CCSER2: variants seen among roughly 807,000 people sequenced by gnomAD.
CCSER2 encodes serine-rich coiled-coil domain-containing protein 2.
Under a neutral mutation model 92.3 loss-of-function variants are expected in CCSER2, and 46 were observed. The ratio of observed to expected loss-of-function variants is 0.50; its 90% CI spans 0.39 to 0.64. CCSER2 has a LOEUF of 0.64. CCSER2 is among the 30% of genes least tolerant of loss of function. The probability of loss-of-function intolerance (pLI) is 0.00; values close to 1 mark genes in which losing one functional copy is unlikely to be tolerated. For missense variants in CCSER2, 1,244 were observed against 1,238.9 expected, an observed-to-expected ratio of 1.00 and a Z score of -0.06; for synonymous variants, 433 against 431.4, an observed-to-expected ratio of 1.00 and a Z score of -0.04.
At chr10:84,373,127 A>G (rs1044291006) in intron 2 of CCSER2, among the ~76,000 whole-genome samples, 1 of 152,144 alleles carries the variant, frequency 6.6e-6, no homozygotes, top group Non-Finnish European at 1.5e-5. Flanking sequence ...GACATGTGGT[A>G]TAATCAGGGG....
intron 1 of CCSER2, among the ~76,000 whole-genome samples, chr10:84,353,548 C>T (rs1274746132): frequency 6.6e-6 from 1 of 152,192 alleles, no homozygotes; most frequent in African/African-American, 2.4e-5. Flanking sequence ...GACCGAGTCC[C>T]TACTTCCTGC....
At position 84,514,111 on chromosome 10, in the gene CCSER2, C is replaced by G; in HGVS notation, c.2988C>G (p.Pro996=). Residue 996 remains proline, a synonymous_variant, in exon 10 of 10, where the codon CCC becomes CCG. Coordinates refer to ENST00000372088, the MANE Select transcript of CCSER2 (RefSeq NM_001284240.2). Reference sequence around the variant, plus strand: ...TCAAACAAAAACAAACAAACAGCCCCCAACTAGAGCCTCAAAGCTTCCAGG... The same window carrying G: ...TCAAACAAAAACAAACAAACAGCCCGCAACTAGAGCCTCAAAGCTTCCAGG... ...GSFKQKQTNS[P]QLEPQSFQAK... 6.5e-7 allele frequency: 1 copy of G among 1,536,190 alleles called. No individual in the cohort carries two copies. Among genetic ancestry groups the G allele is most frequent in the Non-Finnish European group, 8.7e-7 (1 of 1,146,924 alleles).
chr10:84,391,200 C>A, intron 3 of CCSER2: 1 of 972,688 alleles, frequency 1.0e-6, no homozygotes, highest in Non-Finnish European at 1.7e-6. Flanking sequence ...TTCTTCCATA[C>A]TGTGAACCTG....
In CCSER2 at chr10:84,401,574, A is replaced by G. The variant is rs138621883; in HGVS notation, c.1615-16197A>G. ...AAATTCCAAAAAAGATCTTGTCCAC[A>G]TGGTTTCACTGGCCAATTTTACCAA... is the stretch of plus-strand genomic sequence containing the variant. On this transcript the variant is annotated intron_variant, in intron 3 of 9. Transcript: ENST00000372088. Among the ~76,000 whole-genome samples the G allele has an allele frequency of 3.3e-5, 5 of 152,348 alleles. No individual in the cohort carries two copies. In the East Asian group the frequency reaches 9.6e-4, roughly 29 times the overall value.
chr10:84,335,409 A>G (rs1843780880), intron 1 of CCSER2, among the ~76,000 whole-genome samples: 2 of 151,036 alleles, frequency 1.3e-5, no homozygotes, highest in Admixed American at 6.6e-5. Context: ...TGCCTGGCTA[A>G]TTTTAAAAAT....
At chr10:84,507,137 A>G (rs1849100227) in intron 9 of CCSER2, among the ~76,000 whole-genome samples, 3 of 152,368 alleles carry the variant, frequency 2.0e-5, no homozygotes, top group South Asian at 2.1e-4. Flanking sequence ...AATATATTAA[A>G]TGAAATAATG....
intron 9 of CCSER2, among the ~76,000 whole-genome samples, chr10:84,491,568 C>T (rs374224734): frequency 7.2e-5 from 11 of 152,210 alleles, no homozygotes; most frequent in South Asian, 2.1e-4. Flanking sequence ...CCTGGTGTGC[C>T]GTTTGCTAAG....
chr10:84,463,554 G>A (rs745767438), intron 6 of CCSER2, among the ~76,000 whole-genome samples: 29 of 152,172 alleles, frequency 1.9e-4, no homozygotes, highest in South Asian at 8.3e-4. Flanking sequence ...TGGCTCCTTG[G>A]TACTCAAAAC....
intron 5 of CCSER2, among the ~76,000 whole-genome samples, chr10:84,427,481 T>C (rs181385832): frequency 4.8e-4 from 73 of 152,330 alleles, no homozygotes; most frequent in Non-Finnish European, 1.9e-4. Context: ...CAATATTGCA[T>C]GTGCAAAAGT....
At chr10:84,342,770 A>G (rs1307001277) in intron 1 of CCSER2, among the ~76,000 whole-genome samples, 3 of 152,102 alleles carry the variant, frequency 2.0e-5, no homozygotes, top group Non-Finnish European at 4.4e-5. Context: ...AACTGTATCT[A>G]TCTGTTGACA....
chr10:84,356,150 G>T (rs926373537), intron 1 of CCSER2, among the ~76,000 whole-genome samples: 1 of 151,074 alleles, frequency 6.6e-6, no homozygotes, highest in African/African-American at 2.4e-5. Flanking sequence ...GTGGAGGTTT[G>T]CAGTGGATTA....
In CCSER2 at chr10:84,517,215, TAGTAG is replaced by T. The variant is rs1315988912; in HGVS notation, c.*2953_*2957del. ...GTTTCACATTCGTGAAAGAGGAAAT[TAGTAG>T]AGTATTCAGACTTTGATATTTGGCT... On this transcript the variant is annotated 3_prime_UTR_variant, in exon 10 of 10. Transcript: ENST00000372088. The T allele has an allele frequency of 5.9e-5, 9 of 152,386 alleles. No individual in the cohort carries two copies. Among genetic ancestry groups the T allele is most frequent in the African/African-American group, 2.2e-4 (9 of 41,452 alleles). 9.4% of individuals were successfully genotyped at this position (152,386 alleles called of 1,614,324 possible).
At chr10:84,504,590 A>AT (rs1848947285) in intron 9 of CCSER2, among the ~76,000 whole-genome samples, 1 of 152,194 alleles carries the variant, frequency 6.6e-6, no homozygotes, top group Non-Finnish European at 1.5e-5. Context: ...ATACAGTTGG[A>AT]TAATCTTTCT....
intron 9 of CCSER2, chr10:84,499,762 C>A: frequency 1.1e-6 from 1 of 926,522 alleles, no homozygotes; most frequent in Non-Finnish European, 1.6e-6. Context: ...TCTGTCTTCT[C>A]GTTAACACTA....
intron 9 of CCSER2, among the ~76,000 whole-genome samples, chr10:84,505,758 T>TA (rs1238709785): frequency 6.6e-6 from 1 of 152,176 alleles, no homozygotes; most frequent in Non-Finnish European, 1.5e-5. Flanking sequence ...CATGGTCCAA[T>TA]AGGCCTTCCA....
intron 6 of CCSER2, among the ~76,000 whole-genome samples, chr10:84,460,564 A>T (rs1846049843): frequency 6.6e-6 from 1 of 151,122 alleles, no homozygotes. Context: ...ATTCTCTTAA[A>T]TTTTGGAACA....
chr10:84,472,452 T>A (rs1462734580), intron 8 of CCSER2, among the ~76,000 whole-genome samples: 2 of 152,152 alleles, frequency 1.3e-5, no homozygotes, highest in African/African-American at 4.8e-5. Flanking sequence ...ACGCCTGTAG[T>A]CCCCAGCTAC....
chr10:84,469,804 T>G (rs1846667399), intron 7 of CCSER2, among the ~76,000 whole-genome samples: 1 of 152,072 alleles, frequency 6.6e-6, no homozygotes, highest in Admixed American at 6.5e-5. Context: ...ATTCAGGAGG[T>G]ACTCCTCAAA....
chr10:84,441,734 A>AATTTTTTTTTTTTT (rs1564667378), intron 6 of CCSER2, among the ~76,000 whole-genome samples: 2 of 106,410 alleles, frequency 1.9e-5, no homozygotes. Flanking sequence ...GACTGGGAAA[A>AATTTTTTTTTTTTT]TGTTTTTTTT....
Sources: gnomAD v4.1 joint callset for allele counts (sites outside exome capture counted in the v4.1 genomes callset) on GRCh38, gnomAD v4.1.1 for gene constraint, MANE v1.5 for transcripts, NCBI Gene and HGNC (gene_info 2026-07-23, HGNC 2026-07-21) for gene names.